DLG2: variants seen among roughly 807,000 people sequenced by gnomAD.
DLG2 encodes disks large homolog 2.
DLG2 carries 45 observed loss-of-function variants against 132.5 expected under a neutral mutation model. That is an observed-to-expected ratio of 0.34 (90% confidence interval 0.27 to 0.44). The LOEUF is 0.44. DLG2 is among the 20% of genes least tolerant of loss of function. The probability of loss-of-function intolerance (pLI) is 1.00; values close to 1 mark genes in which losing one functional copy is unlikely to be tolerated. For synonymous variants in DLG2, 424 were observed against 419.6 expected (o/e 1.01, Z -0.13); for missense variants, 1,045 against 1,196.9 (o/e 0.87, Z 1.87).
intron 2 of DLG2, among the ~76,000 whole-genome samples, chr11:85,605,982 A>G (rs78521952): frequency 5.4e-5 from 8 of 147,676 alleles, no homozygotes. Flanking sequence ...TGTCTCAAAG[A>G]AAAAAAAAAA....
chr11:84,343,448 T>C (rs2098524996), intron 7 of DLG2, among the ~76,000 whole-genome samples: 1 of 152,216 alleles, frequency 6.6e-6, no homozygotes, highest in Non-Finnish European at 1.5e-5. Context: ...ACTGGTTGAA[T>C]GTATTTGTTA....
intron 5 of DLG2, among the ~76,000 whole-genome samples, chr11:85,125,077 G>A (rs760875967): frequency 3.3e-5 from 5 of 152,136 alleles, no homozygotes; most frequent in South Asian, 4.1e-4. Flanking sequence ...TGATCTGCCC[G>A]TCTCGGCCTC....
chr11:84,372,331 T>C (rs1260252207), intron 7 of DLG2, among the ~76,000 whole-genome samples: 2 of 152,194 alleles, frequency 1.3e-5, no homozygotes, highest in East Asian at 3.8e-4. Context: ...ATTCTAATTA[T>C]ACACAACAAA....
chr11:84,723,078 A>C (rs1224848178), intron 6 of DLG2, among the ~76,000 whole-genome samples: 1 of 152,210 alleles, frequency 6.6e-6, no homozygotes, highest in Non-Finnish European at 1.5e-5. Context: ...CCTACAGAGC[A>C]TCTATAATTA....
chr11:85,293,965 G>C (rs2079065021), intron 3 of DLG2, among the ~76,000 whole-genome samples: 1 of 152,070 alleles, frequency 6.6e-6, no homozygotes, highest in African/African-American at 2.4e-5. Flanking sequence ...TGCAAAGCTG[G>C]GCATGGTGGC....
Position 84,876,617 on chromosome 11 carries a change from T to C in DLG2, c.357+235044A>G, listed in dbSNP as rs192395877. On this transcript the variant is annotated intron_variant, in intron 6 of 27. Coordinates refer to ENST00000376104, the MANE Select transcript of DLG2 (RefSeq NM_001142699.3). ...GGTAGCTGTCTATTTGTTTTGTTAA[T>C]CTTTTCAAAAAAACAGCTCCTGGAT... Among the ~76,000 whole-genome samples the C allele has an allele frequency of 1.8e-4, 27 of 152,268 alleles. No individual in the cohort carries two copies. The East Asian group carries it at 5.2e-3, about 29-fold the overall frequency.
intron 6 of DLG2, among the ~76,000 whole-genome samples, chr11:84,893,504 C>T (rs1336094913): frequency 2.0e-5 from 3 of 152,044 alleles, no homozygotes; most frequent in African/African-American, 7.2e-5. Flanking sequence ...GGTTCTTAGC[C>T]CAGGAGCTCA....
rs2096073311 is a variant in DLG2 at position 83,541,759 on chromosome 11, A to G, written c.2040T>C (p.Asp680=). 2 of 1,613,402 alleles carry G rather than the reference A, an allele frequency of 1.2e-6. No individual in the cohort carries two copies. The highest frequency in any genetic ancestry group is 1.7e-6 in the Non-Finnish European group (2 of 1,179,588). The change falls in exon 20 of 28, where the codon GAT becomes GAC. Residue 680 remains aspartate (D), a synonymous_variant. Transcript: ENST00000376104. ...GDILHVINAS[D]DEWWQARRVM... ...CTCTCCTGGCTTGCCACCACTCATC[A>G]TCAGAGGCATTGATAACGTGGAGAA...
intron 4 of DLG2, among the ~76,000 whole-genome samples, chr11:85,254,061 CA>C (rs2152701989): frequency 6.6e-6 from 1 of 152,308 alleles, no homozygotes; most frequent in African/African-American, 2.4e-5. Context: ...GGCAGGAAAA[CA>C]GGGATGTAAA....
At position 85,533,273 on chromosome 11, in the gene DLG2, C is replaced by A. The variant is rs919786241; in HGVS notation, c.40+65384G>T. Among the ~76,000 whole-genome samples the A allele has an allele frequency of 3.9e-5, 6 of 152,028 alleles. No individual in the cohort carries two copies. The South Asian group carries it at 6.2e-4, about 16-fold the overall frequency. Reference sequence around the variant, plus strand: ...TCCTGGCCTCAATCGATCCACCCACCTCAGCCTCCCAAAGTGCTGGGATTA... The same window carrying A: ...TCCTGGCCTCAATCGATCCACCCACATCAGCCTCCCAAAGTGCTGGGATTA... On this transcript the variant is annotated intron_variant, in intron 3 of 27. Transcript: ENST00000376104.
At chr11:85,559,025 T>C (rs931884076) in intron 3 of DLG2, among the ~76,000 whole-genome samples, 1 of 151,776 alleles carries the variant, frequency 6.6e-6, no homozygotes, top group Admixed American at 6.6e-5. Flanking sequence ...ATGTAAGCTG[T>C]GAGAAGCCCT....
At chr11:83,642,925 T>C (rs1053239905) in intron 18 of DLG2, among the ~76,000 whole-genome samples, 2 of 152,132 alleles carry the variant, frequency 1.3e-5, no homozygotes, top group African/African-American at 2.4e-5. Context: ...ACAGCAGTTG[T>C]AAATGGCATA....
chr11:83,566,501 C>T (rs666845), intron 19 of DLG2, among the ~76,000 whole-genome samples: 64,306 of 151,884 alleles, frequency 0.42, 14,087 homozygotes, highest in Admixed American at 0.51. Flanking sequence ...GTAGGCTAGA[C>T]TTAAATTCTG....
At chr11:85,001,971 A>C (rs1257834796) in intron 6 of DLG2, among the ~76,000 whole-genome samples, 1 of 152,138 alleles carries the variant, frequency 6.6e-6, no homozygotes, top group Non-Finnish European at 1.5e-5. Flanking sequence ...CTAAAAAATA[A>C]ATTCTCTTAA....
At chr11:85,331,178 G>T (rs1012663813) in intron 3 of DLG2, among the ~76,000 whole-genome samples, 1 of 152,068 alleles carries the variant, frequency 6.6e-6, no homozygotes, top group African/African-American at 2.4e-5. Flanking sequence ...GTAGTATGTT[G>T]TCATGGCCTA....
intron 7 of DLG2, among the ~76,000 whole-genome samples, chr11:84,497,649 G>C (rs989620018): frequency 6.6e-6 from 1 of 152,036 alleles, no homozygotes; most frequent in Admixed American, 6.6e-5. Context: ...ATACAAATTA[G>C]AATTCTCATG....
chr11:84,310,157 T>A (rs1304932941), intron 7 of DLG2, among the ~76,000 whole-genome samples: 1 of 152,190 alleles, frequency 6.6e-6, no homozygotes, highest in Non-Finnish European at 1.5e-5. Context: ...AGGAAATTTC[T>A]GTTAAATTAG....
chr11:85,049,509 A>G (rs552894575), intron 6 of DLG2, among the ~76,000 whole-genome samples: 11 of 152,126 alleles, frequency 7.2e-5, no homozygotes, highest in African/African-American at 2.4e-4. Flanking sequence ...TGTACACTGT[A>G]GGATGTTTAG....
Position 84,923,180 on chromosome 11 carries a change from C to A in DLG2, c.357+188481G>T. On this transcript the variant is annotated intron_variant, in intron 6 of 27. Coordinates refer to ENST00000376104, the MANE Select transcript of DLG2 (RefSeq NM_001142699.3). ...TTCTCAGCACAGCGCAAGCCCCACA[C>A]ACACGATCCTGGGCATGTGCTACTA... 7 of 1,611,502 alleles carry A rather than the reference C, an allele frequency of 4.3e-6. No homozygotes were observed. The South Asian group carries it at 5.5e-5, about 13-fold the overall frequency.
Sources: gnomAD v4.1 joint callset for allele counts (sites outside exome capture counted in the v4.1 genomes callset) on GRCh38, gnomAD v4.1.1 for gene constraint, MANE v1.5 for transcripts, NCBI Gene and HGNC (gene_info 2026-07-23, HGNC 2026-07-21) for gene names.